The following AEBP2 variants were observed in gnomAD, a reference collection of about 807,000 sequenced individuals.
AEBP2 encodes AE binding protein 2.
Under a neutral mutation model 50.8 loss-of-function variants are expected in AEBP2, and 10 were observed. That is an observed-to-expected ratio of 0.20 (90% confidence interval 0.12 to 0.33). AEBP2 has a LOEUF of 0.33. AEBP2 is among the 10% of genes least tolerant of loss of function. The pLI is 1.00. For missense variants in AEBP2, 570 were observed against 688.0 expected, an observed-to-expected ratio of 0.83 and a Z score of 1.92; for synonymous variants, 296 against 261.3, an observed-to-expected ratio of 1.13 and a Z score of -1.28.
At chr12:19,488,709 C>T (rs1020130267) in intron 3 of AEBP2, among the ~76,000 whole-genome samples, 7 of 152,046 alleles carry the variant, frequency 4.6e-5, no homozygotes, top group African/African-American at 1.7e-4. Flanking sequence ...AGTATTGCTT[C>T]GTCCAAATAA....
intron 5 of AEBP2, among the ~76,000 whole-genome samples, chr12:19,509,882 G>A (rs1949209588): frequency 7.4e-6 from 1 of 135,412 alleles, no homozygotes; most frequent in East Asian, 2.3e-4. Context: ...GCTTGGACTG[G>A]AGTGCAGTGG....
In AEBP2 at chr12:19,511,176, C is replaced by T. The variant is rs557323571; in HGVS notation, c.1300-1222C>T. ...TCCAAAAGCTATGAACTCCAGTTTT[C>T]ATATAAATAAGTCTTTAGTTTTAGT... On this transcript the variant is annotated intron_variant, in intron 5 of 7. Transcript: ENST00000266508. 4.7e-4 allele frequency among the ~76,000 whole-genome samples: 72 copies of T among 152,192 alleles called. 3 individuals carry two copies. In the East Asian group the frequency reaches 7.5e-3, roughly 16 times the overall value.
chr12:19,477,920 C>T (rs573787086), intron 3 of AEBP2, among the ~76,000 whole-genome samples: 4 of 152,070 alleles, frequency 2.6e-5, no homozygotes, highest in South Asian at 2.1e-4. Context: ...CCAGAAGGGT[C>T]GTGTATTTCC....
rs1483703571 is a variant in AEBP2 at position 19,518,239 on chromosome 12, A to T, written c.*122A>T. On this transcript the variant is annotated 3_prime_UTR_variant, in exon 8 of 8. Transcript: ENST00000266508. ...CCTTCTTTTTTTTTTTTTTTTTTTT[A>T]AATCCAGTATTTAGGATAATATTTA... 116 of 1,028,446 alleles carry T rather than the reference A, an allele frequency of 1.1e-4. No individual in the cohort carries two copies. Among genetic ancestry groups the T allele is most frequent in the African/African-American group, 2.0e-4 (11 of 54,566 alleles). The allele number at this position is 1,028,446 out of a possible 1,614,324, so 63.7% of individuals were successfully genotyped here.
chr12:19,440,834 G>A, intron 1 of AEBP2: 2 of 1,371,706 alleles, frequency 1.5e-6, no homozygotes, highest in Non-Finnish European at 2.0e-6. Context: ...CCTTGTCCAT[G>A]GGAGAGACCC....
rs763909015 is a variant in AEBP2 at position 19,462,570 on chromosome 12, A to G, written c.732A>G (p.Ala244=). 1 of 1,613,806 alleles carries G rather than the reference A, an allele frequency of 6.2e-7. No homozygotes were observed. The highest frequency in any genetic ancestry group is 1.1e-5 in the South Asian group (1 of 91,008). Residue 244 remains alanine (A), a synonymous_variant, in exon 2 of 8, where the codon GCA becomes GCG. Coordinates refer to ENST00000266508, the MANE Select transcript of AEBP2 (RefSeq NM_153207.5). ...STISSGRSTP[A]MMNGQGSTTS... is the part of the protein sequence containing the mutation. ...TTTCCAGTGGGCGTTCAACTCCAGC[A>G]ATGATGAATGGACAAGGAAGCACTA... is the stretch of plus-strand genomic sequence containing the variant.
intron 1 of AEBP2, chr12:19,456,279 G>A (rs1191684853): frequency 4.6e-6 from 7 of 1,527,526 alleles, no homozygotes; most frequent in African/African-American, 1.4e-5. Flanking sequence ...GGCAGATTTG[G>A]TGACCTTGCC....
chr12:19,457,712 A>G (rs549925454), intron 1 of AEBP2: 1 of 1,009,166 alleles, frequency 9.9e-7, no homozygotes. Context: ...TGTGAAAAGA[A>G]AAAAAAGCTA....
At chr12:19,482,648 G>A (rs1948747261) in intron 3 of AEBP2, among the ~76,000 whole-genome samples, 1 of 152,136 alleles carries the variant, frequency 6.6e-6, no homozygotes. Flanking sequence ...TGGCGAGATG[G>A]GTGGGGCTAT....
In AEBP2 at chr12:19,440,076, T is replaced by C; in HGVS notation, c.377T>C (p.Val126Ala). Residue 126 changes from valine (V) to alanine (A), a missense_variant, in exon 1 of 8, where the codon GTG becomes GCG. Transcript: ENST00000266508. ...GEEESSAESL[V>A]GSSGGSSSDE... ...GAGGAGAGTAGCGCCGAGAGCCTGGTGGGCAGCAGCGGCGGGAGCAGCAGC... is the reference window on the plus strand; with the variant it reads ...GAGGAGAGTAGCGCCGAGAGCCTGGCGGGCAGCAGCGGCGGGAGCAGCAGC... The C allele has an allele frequency of 1.3e-6, 2 of 1,511,586 alleles. No homozygotes were observed. Among genetic ancestry groups the C allele is most frequent in the Non-Finnish European group, 1.8e-6 (2 of 1,135,994 alleles). The allele number at this position is 1,511,586 out of a possible 1,614,324, so 93.6% of individuals were successfully genotyped here.
intron 3 of AEBP2, among the ~76,000 whole-genome samples, chr12:19,492,023 G>T (rs1425521062): frequency 6.6e-6 from 1 of 152,172 alleles, no homozygotes; most frequent in Non-Finnish European, 1.5e-5. Context: ...TCGATTGAAG[G>T]AAAGAGCCTG....
intron 2 of AEBP2, among the ~76,000 whole-genome samples, chr12:19,466,152 T>G (rs1017354474): frequency 7.9e-5 from 12 of 151,930 alleles, no homozygotes; most frequent in African/African-American, 2.9e-4. Context: ...GAACATCAGA[T>G]TTTTTTCTTT....
intron 3 of AEBP2, among the ~76,000 whole-genome samples, chr12:19,487,945 G>A (rs961732934): frequency 6.6e-6 from 1 of 152,022 alleles, no homozygotes; most frequent in African/African-American, 2.4e-5. Flanking sequence ...GCAAGATGAA[G>A]TAAGGGTCAG....
intron 2 of AEBP2, among the ~76,000 whole-genome samples, chr12:19,463,853 A>G (rs914012750): frequency 3.3e-5 from 5 of 151,640 alleles, no homozygotes; most frequent in African/African-American, 1.2e-4. Flanking sequence ...TTTAGTAGAG[A>G]TGAGGTTTTG....
At chr12:19,406,345 C>T (rs1156516918) in intron 1 of AEBP2, among the ~76,000 whole-genome samples, 1 of 152,080 alleles carries the variant, frequency 6.6e-6, no homozygotes, top group Admixed American at 6.6e-5. Flanking sequence ...TGTGGGTTTA[C>T]AAAAATGTAT....
intron 3 of AEBP2, among the ~76,000 whole-genome samples, chr12:19,484,698 T>C (rs986294007): frequency 6.6e-6 from 1 of 152,134 alleles, no homozygotes; most frequent in Non-Finnish European, 1.5e-5. Context: ...AATTAGTATT[T>C]CTTTCATTAT....
chr12:19,462,562 A>T lies in AEBP2; in HGVS notation c.724A>T (p.Thr242Ser), dbSNP rs1207386079. 2 of 1,613,498 alleles carry T rather than the reference A, an allele frequency of 1.2e-6. No individual in the cohort carries two copies. Among genetic ancestry groups the T allele is most frequent in the Non-Finnish European group, 1.7e-6 (2 of 1,179,768 alleles). Residue 242 changes from threonine to serine, a missense_variant, in exon 2 of 8, where the codon ACT becomes TCT. Coordinates refer to ENST00000266508, the MANE Select transcript of AEBP2 (RefSeq NM_153207.5). Reference sequence around the variant, plus strand: ...CAGCACAATTTCCAGTGGGCGTTCAACTCCAGCAATGATGAATGGACAAGG... The same window carrying T: ...CAGCACAATTTCCAGTGGGCGTTCATCTCCAGCAATGATGAATGGACAAGG... ...VDSTISSGRS[T>S]PAMMNGQGST...
chr12:19,419,317 C>T (rs927225324), intron 1 of AEBP2, among the ~76,000 whole-genome samples: 8 of 152,128 alleles, frequency 5.3e-5, no homozygotes, highest in Admixed American at 4.6e-4. Context: ...AGGCCGGGTG[C>T]GGTGGCTCAT....
At chr12:19,483,644 G>A (rs908992388) in intron 3 of AEBP2, among the ~76,000 whole-genome samples, 3 of 152,046 alleles carry the variant, frequency 2.0e-5, no homozygotes. Flanking sequence ...CTTGCTTTTT[G>A]AATATACTTT....
Sources: gnomAD v4.1 joint callset for allele counts (sites outside exome capture counted in the v4.1 genomes callset) on GRCh38, gnomAD v4.1.1 for gene constraint, MANE v1.5 for transcripts, NCBI Gene and HGNC (gene_info 2026-07-23, HGNC 2026-07-21) for gene names.